CNTNAP3B: variants seen among roughly 807,000 people sequenced by gnomAD.
CNTNAP3B encodes contactin associated protein family member 3B.
A neutral mutation model predicts 108.9 loss-of-function variants in CNTNAP3B; 25 were observed. The ratio of observed to expected loss-of-function variants is 0.23; its 90% CI spans 0.17 to 0.32. The LOEUF (loss-of-function observed/expected upper bound fraction) is 0.32. CNTNAP3B is among the 10% of genes least tolerant of loss of function. The pLI is 1.00. For missense variants in CNTNAP3B, 252 were observed against 1,210.4 expected (o/e 0.21, Z 11.75); for synonymous variants, 103 against 473.4 (o/e 0.22, Z 10.16).
chr9:42,098,235 G>T (rs1372517798), intron 2 of CNTNAP3B, among the ~76,000 whole-genome samples: 3 of 134,108 alleles, frequency 2.2e-5, no homozygotes, highest in African/African-American at 9.0e-5. Context: ...GAAACTCTTT[G>T]TCTTACTGAC....
At chr9:41,942,346 C>A (rs1327989559) in intron 13 of CNTNAP3B, among the ~76,000 whole-genome samples, 2,573 of 151,622 alleles carry the variant, frequency 0.017, 14 homozygotes, top group African/African-American at 0.059. Context: ...TGAGGTGGCT[C>A]AAGCCTGTAA....
intron 12 of CNTNAP3B, among the ~76,000 whole-genome samples, chr9:41,955,515 A>G (rs1367349223): frequency 1.3e-5 from 2 of 152,300 alleles, no homozygotes; most frequent in Non-Finnish European, 2.9e-5. Flanking sequence ...AGCATCTAAT[A>G]TAACCCTTAT....
chr9:41,922,416 A>G (rs1411893315), intron 17 of CNTNAP3B, among the ~76,000 whole-genome samples: 2 of 141,028 alleles, frequency 1.4e-5, no homozygotes, highest in Non-Finnish European at 1.5e-5. Flanking sequence ...CAGTGGGCTG[A>G]GATTGCACCA....
At chr9:42,093,371 T>TAA (rs1177557426) in intron 2 of CNTNAP3B, among the ~76,000 whole-genome samples, 1 of 92,808 alleles carries the variant, frequency 1.1e-5, no homozygotes, top group East Asian at 5.7e-4. Flanking sequence ...CAAAACAAAT[T>TAA]AAAAAAAAAC....
chr9:42,043,151 A>C (rs1405848456), intron 3 of CNTNAP3B, among the ~76,000 whole-genome samples: 5 of 124,282 alleles, frequency 4.0e-5, no homozygotes, highest in African/African-American at 1.3e-4. Flanking sequence ...TTATATAGAA[A>C]TATTGATATT....
chr9:41,963,450 G>A (rs1393498762), intron 11 of CNTNAP3B, among the ~76,000 whole-genome samples: 12 of 149,940 alleles, frequency 8.0e-5, no homozygotes, highest in Non-Finnish European at 1.5e-4. Context: ...CAATAAAACG[G>A]CATGGCCTTT....
intron 3 of CNTNAP3B, among the ~76,000 whole-genome samples, chr9:42,037,336 C>T (rs1430962447): frequency 1.8e-5 from 2 of 113,262 alleles, no homozygotes; most frequent in Non-Finnish European, 3.6e-5. Flanking sequence ...CTTCTCTGAG[C>T]TAAAGGAGGA....
chr9:41,934,104 T>TATATATATATATACAC (rs1824068556), intron 14 of CNTNAP3B, among the ~76,000 whole-genome samples: 1 of 132,740 alleles, frequency 7.5e-6, no homozygotes, highest in African/African-American at 3.0e-5. Flanking sequence ...TTGTTACATA[T>TATATATATATATACAC]ATATATATAT....
chr9:41,976,914 T>A (rs1396053783), intron 9 of CNTNAP3B, among the ~76,000 whole-genome samples: 1 of 138,546 alleles, frequency 7.2e-6, no homozygotes, highest in Non-Finnish European at 1.5e-5. Flanking sequence ...AGTGACTCCC[T>A]GTCTAAAAAA....
intron 14 of CNTNAP3B, among the ~76,000 whole-genome samples, chr9:41,935,890 T>C (rs1824141796): frequency 6.6e-6 from 1 of 152,296 alleles, no homozygotes. Flanking sequence ...GTGACATGGC[T>C]AAGGGTATCA....
intron 1 of CNTNAP3B, among the ~76,000 whole-genome samples, chr9:42,118,571 T>C (rs1407564116): frequency 7.9e-6 from 1 of 126,814 alleles, no homozygotes. Context: ...GCCAATATCA[T>C]ACTGAATGGA....
chr9:42,121,555 C>T (rs1828462138), intron 1 of CNTNAP3B, among the ~76,000 whole-genome samples: 1 of 139,194 alleles, frequency 7.2e-6, no homozygotes, highest in African/African-American at 2.8e-5. Flanking sequence ...CCCGGCCACC[C>T]AGGAGATGAG....
At chr9:42,080,455 G>A (rs1454577236) in intron 2 of CNTNAP3B, among the ~76,000 whole-genome samples, 2 of 138,914 alleles carry the variant, frequency 1.4e-5, no homozygotes, top group Admixed American at 7.2e-5. Context: ...TTAATTAAAC[G>A]CTGAGTGGAA....
intron 2 of CNTNAP3B, among the ~76,000 whole-genome samples, chr9:42,080,292 G>A (rs1399872257): frequency 7.4e-6 from 1 of 135,822 alleles, no homozygotes; most frequent in Non-Finnish European, 1.6e-5. Context: ...TGATGAAGTA[G>A]TACTTAAATG....
At chr9:41,944,615 G>T (rs1824468727) in intron 13 of CNTNAP3B, among the ~76,000 whole-genome samples, 1 of 151,874 alleles carries the variant, frequency 6.6e-6, no homozygotes, top group South Asian at 2.1e-4. Context: ...TGTGAGAGGG[G>T]AATTCAGGAA....
In CNTNAP3B at chr9:42,109,896, C is replaced by A. The variant is rs1441708978; in HGVS notation, c.86-5157G>T. Among the ~76,000 whole-genome samples the A allele has an allele frequency of 1.5e-5, 2 of 136,606 alleles. 1 individual carries two copies. Among genetic ancestry groups the A allele is most frequent in the African/African-American group, 5.9e-5 (2 of 34,078 alleles). 89.6% of individuals were successfully genotyped at this position (136,606 alleles called of 152,430 possible). ...GAGATAAAGGTGATGATGAACAGAG[C>A]CCCATACAAAAGAGAAGAGGGTGTG... On this transcript the variant is annotated intron_variant, in intron 1 of 23. Transcript: ENST00000377561.
rs1554746914 is a variant in CNTNAP3B, at chr9:41,981,892, C to CAATAAT, written c.1477+4270_1477+4275dup. Reference sequence around the variant, plus strand: ...AATAACGAGACCTCGTCTCTACAAACAATAATAATAATAATAATAATAATA... The same window carrying CAATAAT: ...AATAACGAGACCTCGTCTCTACAAACAATAATAATAATAATAATAATAATAATAATA... On this transcript the variant is annotated intron_variant, in intron 9 of 23. Coordinates refer to ENST00000377561, the MANE Select transcript of CNTNAP3B (RefSeq NM_001201380.3). Among the ~76,000 whole-genome samples the CAATAAT allele has an allele frequency of 5.9e-3, 202 of 34,300 alleles. 11 individuals are homozygous for CAATAAT. Among genetic ancestry groups the CAATAAT allele is most frequent in the African/African-American group, 0.013 (170 of 13,460 alleles). The allele number at this position is 34,300 out of a possible 152,430, so 22.5% of individuals were successfully genotyped here.
In CNTNAP3B at chr9:42,103,378, T is replaced by C. The variant is rs1171925595; in HGVS notation, c.196+1251A>G. 5.4e-4 allele frequency among the ~76,000 whole-genome samples: 76 copies of C among 141,032 alleles called. 1 individual carries two copies. The highest frequency in any genetic ancestry group is 2.1e-3 in the African/African-American group (72 of 34,888). The allele number at this position is 141,032 out of a possible 152,430, so 92.5% of individuals were successfully genotyped here. A position where few individuals can be genotyped will look rare whatever the true frequency, so the allele number is the denominator to read the frequency against. ...GGTCCAATGTGCAATGCATTAAATG[T>C]GCTCAAATACAGAAAACACCAAGAA... On this transcript the variant is annotated intron_variant, in intron 2 of 23. Transcript: ENST00000377561.
Position 41,953,360 on chromosome 9 carries a change from G to A in CNTNAP3B, c.1903C>T (p.His635Tyr), listed in dbSNP as rs541032493. Residue 635 changes from histidine to tyrosine, a missense_variant, in exon 13 of 24, where the codon CAC becomes TAC. Physicochemically the swap from His to Tyr is moderately conservative, Grantham distance 83. Transcript: ENST00000377561. Reference protein sequence around the residue: ...TADSAWTVVRHGGPDAVTLRG... With the variant: ...TADSAWTVVRYGGPDAVTLRG... Reference sequence around the variant, plus strand: ...AGGGTCACCGCGTCGGGGCCACCGTGCCGCACCACCGTCCACGCGGAGTCT... The same window carrying A: ...AGGGTCACCGCGTCGGGGCCACCGTACCGCACCACCGTCCACGCGGAGTCT... 4.4e-5 allele frequency: 68 copies of A among 1,552,246 alleles called. No individual in the cohort carries two copies. In the East Asian group the frequency reaches 1.4e-3, roughly 32 times the overall value.
Sources: gnomAD v4.1 joint callset for allele counts (sites outside exome capture counted in the v4.1 genomes callset) on GRCh38, gnomAD v4.1.1 for gene constraint, MANE v1.5 for transcripts, NCBI Gene and HGNC (gene_info 2026-07-23, HGNC 2026-07-21) for gene names.